Variants in KIAA1328 observed in about 807,000 individuals in gnomAD.
KIAA1328 encodes protein hinderin.
In KIAA1328, 52 loss-of-function variants were observed where a neutral mutation model predicts 68.1. The observed-to-expected ratio is 0.76, with a 90% confidence interval of 0.61 to 0.96. The LOEUF is 0.96. Ranked by LOEUF, KIAA1328 falls within the 40% of genes least tolerant of loss-of-function variation. KIAA1328 has a pLI of 0.00. For synonymous variants in KIAA1328, 232 were observed against 239.4 expected (o/e 0.97, Z 0.28); for missense variants, 641 against 677.6 (o/e 0.95, Z 0.60).
chr18:37,110,145 T>C (rs548606460), intron 7 of KIAA1328, among the ~76,000 whole-genome samples: 148 of 152,234 alleles, frequency 9.7e-4, no homozygotes, highest in African/African-American at 3.5e-3. Context: ...TATTTAGTTG[T>C]CATATCAGAC....
At chr18:37,019,049 G>A (rs762231517) in intron 6 of KIAA1328, among the ~76,000 whole-genome samples, 1 of 152,134 alleles carries the variant, frequency 6.6e-6, no homozygotes, top group Non-Finnish European at 1.5e-5. Flanking sequence ...ATCTGATGAT[G>A]CTGGCACTTC....
chr18:36,955,452 G>A (rs896951675), intron 5 of KIAA1328, among the ~76,000 whole-genome samples: 16 of 151,946 alleles, frequency 1.1e-4, no homozygotes, highest in Non-Finnish European at 2.4e-4. Context: ...TGGGATGACA[G>A]GTGCCTGCCA....
At chr18:37,170,508 G>A (rs1370645821) in intron 8 of KIAA1328, among the ~76,000 whole-genome samples, 2 of 152,152 alleles carry the variant, frequency 1.3e-5, no homozygotes, top group Admixed American at 1.3e-4. Context: ...GAAATATTTA[G>A]CCTTGAGGTT....
In KIAA1328 at chr18:36,973,449, T is replaced by C. The variant is rs2052321952; in HGVS notation, c.576+14014T>C. Among the ~76,000 whole-genome samples, 6 of 152,276 alleles carry C rather than the reference T, an allele frequency of 3.9e-5. No individual in the cohort carries two copies. In the South Asian group the frequency reaches 1.2e-3, roughly 32 times the overall value. ...GTAACAAACCTACACGTTGTGCACA[T>C]GTACCCTAGAACTCAAAGTAAAATA... On this transcript the variant is annotated intron_variant, in intron 6 of 9. Transcript: ENST00000280020.
chr18:37,218,469 G>C (rs577133534), intron 9 of KIAA1328, among the ~76,000 whole-genome samples: 29 of 152,256 alleles, frequency 1.9e-4, no homozygotes, highest in African/African-American at 7.0e-4. Flanking sequence ...GTATTCATAT[G>C]GGAAACATGG....
intron 5 of KIAA1328, among the ~76,000 whole-genome samples, chr18:36,930,474 A>G (rs1174307445): frequency 6.6e-6 from 1 of 152,124 alleles, no homozygotes; most frequent in Non-Finnish European, 1.5e-5. Flanking sequence ...CCTTCTTATG[A>G]CATATTTTTA....
chr18:36,876,199 G>T (rs1023605114), intron 4 of KIAA1328, among the ~76,000 whole-genome samples: 22 of 152,124 alleles, frequency 1.4e-4, no homozygotes, highest in African/African-American at 5.3e-4. Flanking sequence ...TTAGGCAGGA[G>T]TCCCTCTTTT....
At chr18:37,189,149 G>A (rs1216972813) in intron 9 of KIAA1328, among the ~76,000 whole-genome samples, 1 of 152,152 alleles carries the variant, frequency 6.6e-6, no homozygotes, top group African/African-American at 2.4e-5. Flanking sequence ...GTTAACCCTG[G>A]TTACTAGGAC....
chr18:36,918,623 C>T (rs976196819), intron 5 of KIAA1328, among the ~76,000 whole-genome samples: 4 of 152,060 alleles, frequency 2.6e-5, no homozygotes, highest in Non-Finnish European at 4.4e-5. Flanking sequence ...CCATGTGGGC[C>T]AGGCTGGTTT....
intron 5 of KIAA1328, among the ~76,000 whole-genome samples, chr18:36,914,865 T>C (rs1448355378): frequency 3.3e-5 from 5 of 152,242 alleles, no homozygotes; most frequent in Admixed American, 2.6e-4. Flanking sequence ...AGGTATTAAA[T>C]ATACAGAGAA....
chr18:36,986,194 C>T (rs2052916181), intron 6 of KIAA1328, among the ~76,000 whole-genome samples: 1 of 151,508 alleles, frequency 6.6e-6, no homozygotes, highest in Non-Finnish European at 1.5e-5. Context: ...ATTAAAACAA[C>T]CCAAGTGTTC....
intron 7 of KIAA1328, among the ~76,000 whole-genome samples, chr18:37,083,408 C>T (rs763442003): frequency 1.4e-4 from 21 of 152,158 alleles, no homozygotes; most frequent in Non-Finnish European, 2.8e-4. Context: ...TTTTACACTT[C>T]AGAGTTTGAT....
At chr18:36,871,440 G>A (rs73435549) in intron 4 of KIAA1328, among the ~76,000 whole-genome samples, 4,731 of 151,934 alleles carry the variant, frequency 0.031, 258 homozygotes, top group African/African-American at 0.11. Context: ...TGATTAAGGG[G>A]GTGTCTGCAG....
intron 6 of KIAA1328, among the ~76,000 whole-genome samples, chr18:37,062,976 T>C (rs1431893990): frequency 1.3e-5 from 2 of 152,144 alleles, no homozygotes; most frequent in East Asian, 1.9e-4. Context: ...CACAACTTAG[T>C]TGGGTCCTCT....
At position 37,222,513 on chromosome 18, in the gene KIAA1328, A is replaced by C; in HGVS notation, c.*286A>C. ...GGATACTTTCTGCGTGGTGGAAACC[A>C]TTGCATATTCAGCCTCATTTCAAGA... On this transcript the variant is annotated 3_prime_UTR_variant, in exon 10 of 10. Transcript: ENST00000280020. 8.3e-7 allele frequency: 1 copy of C among 1,204,556 alleles called. No individual in the cohort carries two copies. Among genetic ancestry groups the C allele is most frequent in the Non-Finnish European group, 1.0e-6 (1 of 963,762 alleles). 74.6% of individuals were successfully genotyped at this position (1,204,556 alleles called of 1,614,324 possible).
At chr18:37,099,469 T>C (rs2057528263) in intron 7 of KIAA1328, among the ~76,000 whole-genome samples, 1 of 152,198 alleles carries the variant, frequency 6.6e-6, no homozygotes, top group Non-Finnish European at 1.5e-5. Context: ...ATCTTTTACA[T>C]TTGCTGAGGA....
intron 6 of KIAA1328, among the ~76,000 whole-genome samples, chr18:37,010,500 G>A (rs1368796115): frequency 9.8e-5 from 14 of 142,698 alleles, no homozygotes; most frequent in Admixed American, 9.1e-4. Context: ...ATACCATTTT[G>A]TGGATCTCTT....
At chr18:36,885,007 C>G (rs769985792) in intron 4 of KIAA1328, among the ~76,000 whole-genome samples, 5 of 151,864 alleles carry the variant, frequency 3.3e-5, no homozygotes, top group Non-Finnish European at 7.4e-5. Context: ...GTACTGCAAA[C>G]CTTCCTTTAT....
At chr18:37,118,269 A>G (rs1469812302) in intron 7 of KIAA1328, among the ~76,000 whole-genome samples, 1 of 152,138 alleles carries the variant, frequency 6.6e-6, no homozygotes, top group African/African-American at 2.4e-5. Flanking sequence ...TGCTAGGCTT[A>G]CAGGTGTGAG....
Sources: gnomAD v4.1 joint callset for allele counts (sites outside exome capture counted in the v4.1 genomes callset) on GRCh38, gnomAD v4.1.1 for gene constraint, MANE v1.5 for transcripts, NCBI Gene and HGNC (gene_info 2026-07-23, HGNC 2026-07-21) for gene names.